The following RSRC1 variants were observed in gnomAD, a reference collection of about 807,000 sequenced individuals.
RSRC1 encodes the protein arginine and serine rich coiled-coil 1.
In RSRC1, 39 loss-of-function variants were observed where a neutral mutation model predicts 49.1. The ratio of observed to expected loss-of-function variants is 0.79; its 90% CI spans 0.61 to 1.04. RSRC1 has a LOEUF of 1.04. Ranked by LOEUF, RSRC1 falls within the 50% of genes least tolerant of loss-of-function variation. RSRC1 has a pLI of 0.00. For missense variants in RSRC1, 388 were observed against 402.4 expected (o/e 0.96, Z 0.31); for synonymous variants, 143 against 130.8 (o/e 1.09, Z -0.63).
intron 6 of RSRC1, among the ~76,000 whole-genome samples, chr3:158,372,443 A>C (rs1178789130): frequency 6.6e-6 from 1 of 151,872 alleles, no homozygotes; most frequent in Non-Finnish European, 1.5e-5. Flanking sequence ...TACCTTTGCA[A>C]AGTATCAGTT....
At chr3:158,473,527 G>T (rs12490052) in intron 7 of RSRC1, among the ~76,000 whole-genome samples, 45,872 of 151,722 alleles carry the variant, frequency 0.3, 7,119 homozygotes, top group South Asian at 0.42. Context: ...GTGAGGGCAG[G>T]GGGGAGGGAT....
intron 3 of RSRC1, among the ~76,000 whole-genome samples, chr3:158,174,948 G>A (rs1719112844): frequency 6.6e-6 from 1 of 152,046 alleles, no homozygotes; most frequent in African/African-American, 2.4e-5. Flanking sequence ...TGGTATATGA[G>A]AGTTCTCTGT....
chr3:158,347,125 T>G (rs1463265089), intron 5 of RSRC1, among the ~76,000 whole-genome samples: 1 of 152,234 alleles, frequency 6.6e-6, no homozygotes, highest in Non-Finnish European at 1.5e-5. Context: ...GACATTTTAG[T>G]AAATAGTAAA....
chr3:158,328,014 T>G (rs1475749711), intron 5 of RSRC1, among the ~76,000 whole-genome samples: 1 of 152,130 alleles, frequency 6.6e-6, no homozygotes, highest in Non-Finnish European at 1.5e-5. Context: ...TTTGATGTTT[T>G]TTGGTTTAAA....
At chr3:158,476,572 A>G (rs568587293) in intron 7 of RSRC1, among the ~76,000 whole-genome samples, 1 of 152,254 alleles carries the variant, frequency 6.6e-6, no homozygotes, top group South Asian at 2.1e-4. Context: ...TCCTCTATAA[A>G]TGGAACAACA....
chr3:158,229,782 T>TC (rs35290766), intron 4 of RSRC1, among the ~76,000 whole-genome samples: 93,060 of 151,680 alleles, frequency 0.61, 28,917 homozygotes, highest in East Asian at 0.73. Context: ...TTTGTTTCTC[T>TC]TGACTACACA....
chr3:158,525,936 A>T (rs190684970), intron 7 of RSRC1, among the ~76,000 whole-genome samples: 1 of 152,080 alleles, frequency 6.6e-6, no homozygotes, highest in African/African-American at 2.4e-5. Flanking sequence ...GTAACAATGG[A>T]CATGTTCTAT....
chr3:158,431,372 C>T (rs1239514081), intron 6 of RSRC1, among the ~76,000 whole-genome samples: 3 of 151,730 alleles, frequency 2.0e-5, no homozygotes, highest in Non-Finnish European at 1.5e-5. Flanking sequence ...AAGAACAAAG[C>T]ATTTGAAACA....
chr3:158,497,839 T>C (rs1739419193), intron 7 of RSRC1, among the ~76,000 whole-genome samples: 1 of 152,204 alleles, frequency 6.6e-6, no homozygotes, highest in South Asian at 2.1e-4. Context: ...TCACTTAGAA[T>C]AATAGTCTCC....
Position 158,498,582 on chromosome 3 carries a change from C to A in RSRC1, c.652+37579C>A, listed in dbSNP as rs1345632995. Among the ~76,000 whole-genome samples the A allele has an allele frequency of 4.6e-5, 7 of 152,040 alleles. 1 individual carries two copies. The highest frequency in any genetic ancestry group is 1.2e-4 in the African/African-American group (5 of 41,398). The stretch of plus-strand genomic sequence containing the variant: ...AAAGCTCTTTAGTTTAATTAAGTCC[C>A]AACTATTTATCTTTGTTTTTATTGC... On this transcript the variant is annotated intron_variant, in intron 7 of 9. Coordinates refer to ENST00000611884, the MANE Select transcript of RSRC1 (RefSeq NM_001271838.2).
At chr3:158,173,683 A>G (rs757543942) in intron 3 of RSRC1, among the ~76,000 whole-genome samples, 1 of 152,032 alleles carries the variant, frequency 6.6e-6, no homozygotes, top group Admixed American at 6.6e-5. Flanking sequence ...AGCATTATTT[A>G]TAATAGCCTA....
chr3:158,421,857 C>A (rs1735078793), intron 6 of RSRC1, among the ~76,000 whole-genome samples: 1 of 151,700 alleles, frequency 6.6e-6, no homozygotes, highest in African/African-American at 2.4e-5. Context: ...GGTCATTTTG[C>A]AAATTTTTCT....
intron 5 of RSRC1, among the ~76,000 whole-genome samples, chr3:158,328,583 A>G (rs369474878): frequency 1.3e-5 from 2 of 152,124 alleles, no homozygotes; most frequent in Non-Finnish European, 1.5e-5. Context: ...TGGCTTGTAG[A>G]GTTTCTGCCG....
At chr3:158,282,974 T>C (rs548660454) in intron 4 of RSRC1, among the ~76,000 whole-genome samples, 3 of 152,306 alleles carry the variant, frequency 2.0e-5, no homozygotes, top group East Asian at 1.9e-4. Flanking sequence ...GATACATTAT[T>C]GAAGAGTTCA....
intron 7 of RSRC1, chr3:158,469,216 C>T: frequency 3.3e-6 from 1 of 306,624 alleles, no homozygotes; most frequent in South Asian, 2.9e-5. Context: ...GGAAGACCTA[C>T]ATCTAGTTGA....
At chr3:158,117,104 A>T (rs1714887153) in intron 1 of RSRC1, among the ~76,000 whole-genome samples, 1 of 152,158 alleles carries the variant, frequency 6.6e-6, no homozygotes, top group Non-Finnish European at 1.5e-5. Flanking sequence ...TTTTCTCAGC[A>T]TTTTAAAGGC....
intron 6 of RSRC1, among the ~76,000 whole-genome samples, chr3:158,435,612 A>G (rs937996924): frequency 1.4e-4 from 22 of 151,762 alleles, no homozygotes; most frequent in African/African-American, 5.1e-4. Flanking sequence ...AGATAAAGAT[A>G]TATAATTTAA....
chr3:158,470,990 G>A (rs566610397), intron 7 of RSRC1, among the ~76,000 whole-genome samples: 6 of 152,202 alleles, frequency 3.9e-5, no homozygotes, highest in Non-Finnish European at 5.9e-5. Context: ...GGAAAACCAA[G>A]CACAGGCTAA....
intron 6 of RSRC1, among the ~76,000 whole-genome samples, chr3:158,440,095 G>A (rs1736299498): frequency 6.6e-6 from 1 of 152,072 alleles, no homozygotes. Context: ...TAACAAACCT[G>A]CACGTTCTAC....
Sources: gnomAD v4.1 joint callset for allele counts (sites outside exome capture counted in the v4.1 genomes callset) on GRCh38, gnomAD v4.1.1 for gene constraint, MANE v1.5 for transcripts, NCBI Gene and HGNC (gene_info 2026-07-23, HGNC 2026-07-21) for gene names.